Variants in NOL10 observed in about 807,000 individuals in gnomAD.
NOL10 encodes the protein nucleolar protein 10.
NOL10 carries 58 observed loss-of-function variants against 103.5 expected under a neutral mutation model. That is an observed-to-expected ratio of 0.56 (90% CI 0.45 to 0.70). The LOEUF is 0.70. Among genes scored for constraint, NOL10 ranks in the 30% least tolerant of loss-of-function variants. The pLI is 0.00. For synonymous variants in NOL10, 287 were observed against 282.5 expected (o/e 1.02, Z -0.16); for missense variants, 763 against 807.3 (o/e 0.95, Z 0.67).
chr2:10,666,493 T>A (rs550282854), intron 8 of NOL10, among the ~76,000 whole-genome samples: 55 of 152,280 alleles, frequency 3.6e-4, no homozygotes, highest in African/African-American at 1.3e-3. Context: ...CACACCCGGC[T>A]AATTTTTGTA....
intron 3 of NOL10, among the ~76,000 whole-genome samples, chr2:10,676,787 G>A (rs1264099083): frequency 2.0e-5 from 3 of 151,840 alleles, no homozygotes; most frequent in African/African-American, 7.3e-5. Context: ...ACAGGTGCAG[G>A]CCATGATGCC....
At chr2:10,684,417 A>AG in intron 2 of NOL10, 150 bp downstream of exon 2, 1 of 647,254 alleles carries the variant, frequency 1.5e-6, no homozygotes, top group Non-Finnish European at 2.6e-6. Context: ...CCCATGTCAA[A>AG]GGAAAAAAAA....
chr2:10,629,454 C>G (rs779689493), intron 13 of NOL10, among the ~76,000 whole-genome samples: 2 of 151,844 alleles, frequency 1.3e-5, no homozygotes, highest in South Asian at 4.2e-4. Context: ...ACCATATTAA[C>G]AAAGTTTCAG....
Position 10,620,898 on chromosome 2 carries a change from C to T in NOL10, c.1027-13587G>A, listed in dbSNP as rs566031144. ...GCCACTTCCACCTCCTGGGCTCAAG[C>T]GATGCTCCTGCCTCAGCCTCCTGAG... On this transcript the variant is annotated intron_variant, in intron 13 of 20. Transcript: ENST00000381685. 1.2e-3 allele frequency among the ~76,000 whole-genome samples: 187 copies of T among 152,248 alleles called. 2 individuals carry two copies. The highest frequency in any genetic ancestry group is 1.5e-3 in the Non-Finnish European group (103 of 68,014).
At position 10,667,250 on chromosome 2, in the gene NOL10, C is replaced by A; in HGVS notation, c.559G>T (p.Val187Leu). 6.3e-7 allele frequency: 1 copy of A among 1,588,730 alleles called. No individual in the cohort carries two copies. ...GTTCCTGTGGCAAACAAGCCATGCA[C>A]TGAATTTATGTCACAAACATTATTC... ...AENNVCDINS[V>L]HGLFATGTIE... is the part of the protein sequence containing the mutation. Residue 187 changes from valine to leucine, a missense_variant, in exon 8 of 21, where the codon GTG becomes TTG. Transcript: ENST00000381685.
At chr2:10,680,606 G>A (rs1681688694) in intron 3 of NOL10, among the ~76,000 whole-genome samples, 1 of 152,104 alleles carries the variant, frequency 6.6e-6, no homozygotes, top group Admixed American at 6.6e-5. Context: ...ATGTATCTTA[G>A]ATTTCCTCAA....
chr2:10,582,629 C>T (rs1482138434), intron 19 of NOL10, among the ~76,000 whole-genome samples: 1 of 152,166 alleles, frequency 6.6e-6, no homozygotes, highest in African/African-American at 2.4e-5. Flanking sequence ...AGAATGATGT[C>T]CCCTATGTTC....
At chr2:10,631,699 ATGAACCATGTTC>A (rs1677855130) in intron 13 of NOL10, among the ~76,000 whole-genome samples, 1 of 149,634 alleles carries the variant, frequency 6.7e-6, no homozygotes, top group African/African-American at 2.5e-5. Context: ...TCTGGCACAC[ATGAACCATGTTC>A]TCCCTGTTTT....
chr2:10,579,738 G>A (rs903822521), intron 19 of NOL10, among the ~76,000 whole-genome samples: 9 of 151,780 alleles, frequency 5.9e-5, no homozygotes, highest in African/African-American at 2.2e-4. Context: ...CTATGGAGTA[G>A]CCATTCTTTT....
At chr2:10,633,330 A>G (rs575138649) in intron 13 of NOL10, among the ~76,000 whole-genome samples, 2 of 152,166 alleles carry the variant, frequency 1.3e-5, no homozygotes, top group South Asian at 4.2e-4. Flanking sequence ...AGTTGGGATT[A>G]CAGGTGGGTA....
At position 10,613,333 on chromosome 2, in the gene NOL10, C is replaced by T. The variant is rs1022322481; in HGVS notation, c.1027-6022G>A. ...TCATTCATTCAAAAAGTTAACTGAG[C>T]ATTTGGTAAAAGTTAAGTGCTAAAG... On this transcript the variant is annotated intron_variant, in intron 13 of 20. Coordinates refer to ENST00000381685, the MANE Select transcript of NOL10 (RefSeq NM_024894.4). Among the ~76,000 whole-genome samples the T allele has an allele frequency of 2.6e-5, 4 of 152,248 alleles. No homozygotes were observed. The South Asian group carries it at 6.2e-4, about 24-fold the overall frequency.
At chr2:10,664,482 T>G (rs1680447433) in intron 8 of NOL10, among the ~76,000 whole-genome samples, 1 of 152,194 alleles carries the variant, frequency 6.6e-6, no homozygotes, top group South Asian at 2.1e-4. Flanking sequence ...AAGAATGATG[T>G]GAATATACAT....
In NOL10 at chr2:10,657,883, T is replaced by G. The variant is rs1439349344; in HGVS notation, c.765A>C (p.Leu255Phe). 1 of 1,518,404 alleles carries G rather than the reference T, an allele frequency of 6.6e-7. No homozygotes were observed. The highest frequency in any genetic ancestry group is 1.4e-5 in the African/African-American group (1 of 71,294). 94.1% of individuals were successfully genotyped at this position (1,518,404 alleles called of 1,614,324 possible). A position where few individuals can be genotyped will look rare whatever the true frequency, so the allele number is the denominator to read the frequency against. ...ATGGCTTATCAGATCGAAGGTCATA[T>G]AATAAAACCTGAAAAAAAATTATTT... Reference protein sequence around the residue: ...AVGTTTGQVLLYDLRSDKPLL... With the variant: ...AVGTTTGQVLFYDLRSDKPLL... Residue 255 changes from leucine to phenylalanine, a missense_variant, in exon 11 of 21, where the codon TTA (leucine) becomes TTC (phenylalanine). Leu to Phe is a conservative substitution (Grantham distance 22). Transcript: ENST00000381685.
At chr2:10,613,629 T>A (rs114865744) in intron 13 of NOL10, among the ~76,000 whole-genome samples, 229 of 152,338 alleles carry the variant, frequency 1.5e-3, no homozygotes, top group African/African-American at 5.3e-3. Context: ...TTAAAAGAAT[T>A]GTCATTTTTA....
At chr2:10,662,251 ACTAT>A (rs55815467) in intron 9 of NOL10, among the ~76,000 whole-genome samples, 39,569 of 152,006 alleles carry the variant, frequency 0.26, 5,622 homozygotes, top group Non-Finnish European at 0.33. Context: ...AATAGAAAGC[ACTAT>A]CTGTCAGCTA....
intron 13 of NOL10, among the ~76,000 whole-genome samples, chr2:10,625,336 GTGCTGA>G (rs1677392548): frequency 6.6e-6 from 1 of 152,118 alleles, no homozygotes; most frequent in Non-Finnish European, 1.5e-5. Context: ...CTGTTGTAAA[GTGCTGA>G]TGGTGAGGGA....
rs778545937 is a variant in NOL10, at chr2:10,572,163, C to T, written c.1975G>A (p.Ala659Thr). Residue 659 changes from alanine to threonine, a missense_variant, in exon 21 of 21, where the codon GCT becomes ACT. Ala to Thr is a moderately conservative substitution (Grantham distance 58, BLOSUM62 0). Transcript: ENST00000381685. ...CTTTCTTGTCGATGCAGTTTCTCAG[C>T]CTCCTGTTGCTTCTTCTGCTGTTCA... ...RSEQQKKQQE[A>T]EKLHRQERKR... The T allele has an allele frequency of 4.3e-6, 7 of 1,613,946 alleles. 1 individual carries two copies. The South Asian group carries it at 7.7e-5, about 18-fold the overall frequency.
chr2:10,669,441 G>GTATA (rs760076183), intron 6 of NOL10, among the ~76,000 whole-genome samples: 296 of 139,398 alleles, frequency 2.1e-3, no homozygotes, highest in African/African-American at 7.5e-3. Flanking sequence ...GTATGTATTT[G>GTATA]TATATATATA....
chr2:10,651,699 C>T (rs1022169231), intron 12 of NOL10, among the ~76,000 whole-genome samples: 51 of 152,068 alleles, frequency 3.4e-4, no homozygotes, highest in African/African-American at 8.9e-4. Flanking sequence ...TATCCCTGCT[C>T]GTCACCCTTG....
Sources: allele counts gnomAD v4.1 joint callset (sites outside exome capture counted in the v4.1 genomes callset), GRCh38; gene constraint gnomAD v4.1.1; transcripts MANE v1.5; gene names NCBI Gene and HGNC (gene_info 2026-07-23, HGNC 2026-07-21).